CLEC16A: variants seen among roughly 807,000 people sequenced by gnomAD.
CLEC16A encodes protein CLEC16A.
In CLEC16A, 51 loss-of-function variants were observed where a neutral mutation model predicts 109.5. That is an observed-to-expected ratio of 0.47 (90% CI 0.37 to 0.59). The LOEUF is 0.59. Ranked by LOEUF, CLEC16A falls within the 20% of genes least tolerant of loss-of-function variation. The pLI is 0.00. For synonymous variants in CLEC16A, 673 were observed against 564.2 expected, an observed-to-expected ratio of 1.19 and a Z score of -2.73; for missense variants, 1,339 against 1,394.0, an observed-to-expected ratio of 0.96 and a Z score of 0.63.
chr16:11,093,496 T>TC (rs2050431611), intron 19 of CLEC16A, among the ~76,000 whole-genome samples: 1 of 152,236 alleles, frequency 6.6e-6, no homozygotes. Flanking sequence ...TCAGTGATTC[T>TC]GCCCGGACTC....
At chr16:11,023,986 C>T (rs189343144) in intron 12 of CLEC16A, among the ~76,000 whole-genome samples, 16 of 152,346 alleles carry the variant, frequency 1.1e-4, no homozygotes, top group Admixed American at 3.9e-4. Flanking sequence ...TGGGATGTGC[C>T]ATTTCCGATT....
In CLEC16A at chr16:11,089,414, A is replaced by G. The variant is rs528863809; in HGVS notation, c.2116+28392A>G. ...ATGCATTGGCTGTGTCCAATTGTCC[A>G]TGTTACAGAACGCTGAGGGGTCAGC... is the stretch of plus-strand genomic sequence containing the variant. On this transcript the variant is annotated intron_variant, in intron 19 of 23. Transcript: ENST00000409790. 2.6e-5 allele frequency among the ~76,000 whole-genome samples: 4 copies of G among 152,278 alleles called. No homozygotes were observed. The South Asian group carries it at 8.3e-4, about 32-fold the overall frequency.
At chr16:11,140,574 C>T (rs1024288049) in intron 22 of CLEC16A, among the ~76,000 whole-genome samples, 1 of 152,156 alleles carries the variant, frequency 6.6e-6, no homozygotes, top group Non-Finnish European at 1.5e-5. Flanking sequence ...CAGCAAAGAA[C>T]AAATGCAGAA....
chr16:11,063,866 G>C (rs542322972), intron 19 of CLEC16A, among the ~76,000 whole-genome samples: 81 of 152,020 alleles, frequency 5.3e-4, no homozygotes, highest in African/African-American at 1.9e-3. Context: ...TCAGGAACTG[G>C]CAGCCACGTG....
At chr16:10,972,781 T>G (rs1476575258) in intron 6 of CLEC16A, 157 bp from the exon 7 acceptor site, 2 of 846,080 alleles carry the variant, frequency 2.4e-6, no homozygotes, top group Non-Finnish European at 3.6e-6. Flanking sequence ...AGATAAACAT[T>G]TTTAAGTATT....
At chr16:11,011,588 C>T (rs2045416692) in intron 11 of CLEC16A, among the ~76,000 whole-genome samples, 1 of 152,098 alleles carries the variant, frequency 6.6e-6, no homozygotes, top group South Asian at 2.1e-4. Flanking sequence ...ATTTCTCTGG[C>T]TCCTGTCCAT....
chr16:11,006,304 A>T (rs1421951741), intron 11 of CLEC16A, among the ~76,000 whole-genome samples: 2 of 152,144 alleles, frequency 1.3e-5, no homozygotes, highest in African/African-American at 2.4e-5. Flanking sequence ...AAAAAATGAG[A>T]TGCGTTTATC....
intron 1 of CLEC16A, among the ~76,000 whole-genome samples, chr16:10,947,364 G>A (rs1334562372): frequency 6.6e-6 from 1 of 152,028 alleles, no homozygotes; most frequent in Non-Finnish European, 1.5e-5. Context: ...GCTGGTGGGG[G>A]AGACAGCTGT....
intron 4 of CLEC16A, 79 bp from the exon 5 acceptor site, chr16:10,971,046 A>C (rs2042763426): frequency 1.2e-5 from 7 of 608,640 alleles, no homozygotes; most frequent in South Asian, 1.1e-4. Context: ...GAAGTCTCTG[A>C]TGGAATTCAG....
intron 11 of CLEC16A, among the ~76,000 whole-genome samples, chr16:11,008,798 G>A (rs1196507196): frequency 6.9e-6 from 1 of 145,942 alleles, no homozygotes; most frequent in African/African-American, 2.6e-5. Flanking sequence ...AGACCCTCCT[G>A]GCCAACACAG....
intron 19 of CLEC16A, among the ~76,000 whole-genome samples, chr16:11,111,053 C>T (rs1460899955): frequency 6.6e-6 from 1 of 151,938 alleles, no homozygotes; most frequent in Non-Finnish European, 1.5e-5. Flanking sequence ...ACAGCCAATC[C>T]TGAGTTGTTT....
Position 10,972,543 on chromosome 16 carries a change from C to T in CLEC16A, c.599-11C>T. On this transcript the variant is annotated splice_polypyrimidine_tract_variant and intron_variant, in intron 5 of 23. Coordinates refer to ENST00000409790, the MANE Select transcript of CLEC16A (RefSeq NM_015226.3). ...TTCCTTCAATGACGATTCCTGTGTT[C>T]CTTATTCCAGTGTCATGTAAGTTAT... 6.2e-7 allele frequency: 1 copy of T among 1,612,480 alleles called. No homozygotes were observed. Among genetic ancestry groups the T allele is most frequent in the East Asian group, 2.2e-5 (1 of 44,874 alleles).
At chr16:11,132,364 A>C (rs1446056919) in intron 22 of CLEC16A, among the ~76,000 whole-genome samples, 1 of 151,782 alleles carries the variant, frequency 6.6e-6, no homozygotes, top group Non-Finnish European at 1.5e-5. Flanking sequence ...GGCTTCTTTC[A>C]GTTTGCATCA....
intron 22 of CLEC16A, among the ~76,000 whole-genome samples, chr16:11,136,641 C>G (rs1436451905): frequency 6.6e-6 from 1 of 152,234 alleles, no homozygotes; most frequent in Non-Finnish European, 1.5e-5. Flanking sequence ...TTCACAAAGA[C>G]TTTCCCTGGG....
chr16:10,991,210 T>C (rs1433938245), intron 10 of CLEC16A, among the ~76,000 whole-genome samples: 1 of 151,710 alleles, frequency 6.6e-6, no homozygotes, highest in African/African-American at 2.4e-5. Context: ...GGCTGGAGTG[T>C]TACAGTTCTC....
intron 22 of CLEC16A, among the ~76,000 whole-genome samples, chr16:11,127,469 G>T (rs1052755460): frequency 2.3e-4 from 35 of 152,218 alleles, no homozygotes; most frequent in African/African-American, 7.7e-4. Context: ...ATTTGCCAAA[G>T]GGGAAGGTTT....
At position 11,112,897 on chromosome 16, in the gene CLEC16A, G is replaced by C. The variant is rs574503024; in HGVS notation, c.2117-7718G>C. 2.6e-5 allele frequency among the ~76,000 whole-genome samples: 4 copies of C among 152,170 alleles called. No individual in the cohort carries two copies. In the South Asian group the frequency reaches 8.3e-4, roughly 32 times the overall value. ...GGTTCCTCCCCAGAATGGAGGCTTG[G>C]TCTGCACAGCCTTTCATGGTCCTTA... is the stretch of plus-strand genomic sequence containing the variant. On this transcript the variant is annotated intron_variant, in intron 19 of 23. Transcript: ENST00000409790.
At chr16:10,972,636 T>C (rs1478368318) in intron 6 of CLEC16A, 77 bp downstream of exon 6, 3 of 1,362,542 alleles carry the variant, frequency 2.2e-6, no homozygotes, top group Non-Finnish European at 3.1e-6. Flanking sequence ...AATGGTGTAA[T>C]TCTCAGTGTA....
chr16:11,012,610 A>G (rs2045498810), intron 11 of CLEC16A, among the ~76,000 whole-genome samples: 2 of 150,984 alleles, frequency 1.3e-5, no homozygotes, highest in East Asian at 1.9e-4. Context: ...AAAAAAAAAA[A>G]AAAAAAAAAA....
Sources: gnomAD v4.1 joint callset for allele counts (sites outside exome capture counted in the v4.1 genomes callset) on GRCh38, gnomAD v4.1.1 for gene constraint, MANE v1.5 for transcripts, NCBI Gene and HGNC (gene_info 2026-07-23, HGNC 2026-07-21) for gene names.